Variants in AK1 observed in about 807,000 individuals in gnomAD.
AK1 encodes adenylate kinase isoenzyme 1.
Under a neutral mutation model 23.9 loss-of-function variants are expected in AK1, and 13 were observed. The observed-to-expected ratio is 0.54, with a 90% confidence interval of 0.35 to 0.86. The LOEUF (loss-of-function observed/expected upper bound fraction) is 0.86. Ranked by LOEUF, AK1 falls within the 40% of genes least tolerant of loss-of-function variation. AK1 has a pLI of 0.01. For synonymous variants in AK1, 97 were observed against 102.8 expected, an observed-to-expected ratio of 0.94 and a Z score of 0.34; for missense variants, 214 against 255.1, an observed-to-expected ratio of 0.84 and a Z score of 1.10.
Position 127,867,899 on chromosome 9 carries a change from C to T in AK1, c.*109G>A, listed in dbSNP as rs757506900. On this transcript the variant is annotated 3_prime_UTR_variant, in exon 7 of 7. Coordinates refer to ENST00000644144, the MANE Select transcript of AK1 (RefSeq NM_000476.3). ...TGAAAACAGGATAAGCGGCTTCCTCCGTCTGTGCTCAGCAGGGCAGGGTGG... is the reference window on the plus strand; with the variant it reads ...TGAAAACAGGATAAGCGGCTTCCTCTGTCTGTGCTCAGCAGGGCAGGGTGG... 35 of 1,057,450 alleles carry T rather than the reference C, an allele frequency of 3.3e-5. No individual in the cohort carries two copies. Among genetic ancestry groups the T allele is most frequent in the South Asian group, 6.4e-5 (5 of 78,508 alleles). 65.5% of individuals were successfully genotyped at this position (1,057,450 alleles called of 1,614,324 possible). A position where few individuals can be genotyped will look rare whatever the true frequency, so the allele number is the denominator to read the frequency against.
intron 2 of AK1, chr9:127,873,477 C>T (rs1220225626): frequency 1.4e-6 from 2 of 1,472,286 alleles, no homozygotes; most frequent in East Asian, 2.4e-5. Context: ...CTCCTGTGCA[C>T]CCTGCCCTTC....
chr9:127,874,291 T>C, intron 2 of AK1: 1 of 985,398 alleles, frequency 1.0e-6, no homozygotes, highest in Non-Finnish European at 1.2e-6. Flanking sequence ...GGAATTGCCT[T>C]GTCCTCATTA....
intron 1 of AK1, 174 bp from the exon 2 acceptor site, chr9:127,874,823 T>C (rs1219993032): frequency 1.6e-6 from 1 of 640,678 alleles, no homozygotes; most frequent in African/African-American, 1.8e-5. Flanking sequence ...AAAGCCACCT[T>C]GGGAAAGTGA....
At chr9:127,879,253 G>T (rs1335109810), upstream of AK1, among the ~76,000 whole-genome samples, 1 of 152,166 alleles carries the variant, frequency 6.6e-6, no homozygotes, top group Non-Finnish European at 1.5e-5. Flanking sequence ...TTCCCATAGG[G>T]TCTGAGTGAG....
intron 1 of AK1, chr9:127,875,021 C>G: frequency 3.5e-6 from 1 of 286,760 alleles, no homozygotes; most frequent in Non-Finnish European, 7.0e-6. Context: ...AAACAGGGCG[C>G]AGGGCCAGCG....
chr9:127,878,694 A>T (rs778741037), upstream of AK1, among the ~76,000 whole-genome samples: 2 of 152,168 alleles, frequency 1.3e-5, no homozygotes, highest in Non-Finnish European at 2.9e-5. Context: ...GACCACCTTC[A>T]GTGGTGGTGC....
rs945566735 is a variant in AK1, at chr9:127,871,202, T to C, written c.324+621A>G. 1.3e-5 allele frequency among the ~76,000 whole-genome samples: 2 copies of C among 151,628 alleles called. No individual in the cohort carries two copies. The highest frequency in any genetic ancestry group is 2.4e-5 in the African/African-American group (1 of 40,908). On this transcript the variant is annotated intron_variant, in intron 5 of 6. Coordinates refer to ENST00000644144, the MANE Select transcript of AK1 (RefSeq NM_000476.3). This position sits in a 1 kb window ranked among gnomAD's most constrained non-coding sequence, Gnocchi z 4.4. Reference sequence around the variant, plus strand: ...GGTGCCCCATCCTGGGGAAGGTGTATCTGCAGGATGCTCGTGCTAGGAAGC... The same window carrying C: ...GGTGCCCCATCCTGGGGAAGGTGTACCTGCAGGATGCTCGTGCTAGGAAGC...
In AK1 at chr9:127,868,450, G is replaced by A; in HGVS notation, c.387C>T (p.Leu129=). Residue 129 remains leucine, a synonymous_variant, in exon 6 of 7, where the codon CTC becomes CTT. Coordinates refer to ENST00000644144, the MANE Select transcript of AK1 (RefSeq NM_000476.3). This position sits in a 1 kb window ranked among gnomAD's most constrained non-coding sequence, Gnocchi z 4.1. ...DAGPETMTQR[L]LKRGETSGRV... is the part of the protein sequence containing the mutation. ...GCCCGCTGGTCTCTCCACGTTTCAA[G>A]AGCCGCTGGGTCATGGTCTCAGGGC... 1 of 1,609,606 alleles carries A rather than the reference G, an allele frequency of 6.2e-7. No individual in the cohort carries two copies. The highest frequency in any genetic ancestry group is 8.5e-7 in the Non-Finnish European group (1 of 1,178,038).
chr9:127,876,634 C>G (rs1354306040), intron 1 of AK1, among the ~76,000 whole-genome samples: 2 of 152,174 alleles, frequency 1.3e-5, no homozygotes, highest in African/African-American at 4.8e-5. Flanking sequence ...CACAGTGAAG[C>G]CCTGAGAAGT....
chr9:127,866,728 G>A lies in AK1; in HGVS notation c.*1280C>T, dbSNP rs897414057. The A allele has an allele frequency of 3.9e-5, 6 of 152,286 alleles. No homozygotes were observed. The highest frequency in any genetic ancestry group is 1.4e-4 in the African/African-American group (6 of 41,462). The allele number at this position is 152,286 out of a possible 1,614,324, so 9.4% of individuals were successfully genotyped here. A position where few individuals can be genotyped will look rare whatever the true frequency, so the allele number is the denominator to read the frequency against. On this transcript the variant is annotated 3_prime_UTR_variant, in exon 7 of 7. Transcript: ENST00000644144. ...GTCAAAAAATGAAAGCGCGCAGGAA[G>A]GGTTCTCCCCAGGGGATTCTGGGGT...
In AK1 at chr9:127,872,761, C is replaced by T. The variant is rs536662120; in HGVS notation, c.136G>A (p.Glu46Lys). The T allele has an allele frequency of 5.6e-6, 9 of 1,614,142 alleles. No homozygotes were observed. Among genetic ancestry groups the T allele is most frequent in the African/African-American group, 1.3e-5 (1 of 75,042 alleles). The change falls in exon 4 of 7, where the codon GAG becomes AAG. Residue 46 changes from glutamate (E) to lysine (K), a missense_variant. Coordinates refer to ENST00000644144, the MANE Select transcript of AK1 (RefSeq NM_000476.3). ...HLSTGDLLRS[E>K]VSSGSARGKK... ...CCCCTGGCCGAGCCTGAGCTGACCT[C>T]GGACCGCAGGAGGTCCCCGGTGGAG... is the stretch of plus-strand genomic sequence containing the variant.
intron 4 of AK1, 46 bp downstream of exon 4, chr9:127,872,644 G>A (rs1479216715): frequency 1.2e-5 from 20 of 1,611,716 alleles, no homozygotes; most frequent in Non-Finnish European, 1.7e-5. Context: ...CACCCACTCA[G>A]GGCTACTGTC....
Position 127,872,828 on chromosome 9 carries a change from G to T in AK1, c.69C>A (p.Thr23=), listed in dbSNP as rs765024799. 38 of 1,614,022 alleles carry T rather than the reference G, an allele frequency of 2.4e-5. No individual in the cohort carries two copies. Among genetic ancestry groups the T allele is most frequent in the Non-Finnish European group, 3.0e-5 (35 of 1,180,012 alleles). Residue 23 remains threonine, a synonymous_variant, in exon 4 of 7, where the codon ACC becomes ACA. Transcript: ENST00000644144. ...ACTTCTGCACGATCTTCTCACACTG[G>T]GTGCCCTTCCCTGAGCCAGGCCCAC... ...VVGGPGSGKG[T]QCEKIVQKYG...
rs1446234527 is a variant in AK1 at position 127,877,039 on chromosome 9, C to A, written c.-33+584G>T. Among the ~76,000 whole-genome samples the A allele has an allele frequency of 1.3e-5, 2 of 152,204 alleles. No homozygotes were observed. The highest frequency in any genetic ancestry group is 2.9e-5 in the Non-Finnish European group (2 of 68,026). ...CATCACTCAGCTGTGTGACCTTGGG[C>A]AGTTGGTGTCCCCTCTCTGGGCCTG... On this transcript the variant is annotated intron_variant, in intron 1 of 6. Transcript: ENST00000644144. This position sits in a 1 kb window ranked among gnomAD's most constrained non-coding sequence, Gnocchi z 5.2.
chr9:127,879,280 G>C (rs1427362670), upstream of AK1, among the ~76,000 whole-genome samples: 1 of 152,150 alleles, frequency 6.6e-6, no homozygotes. Context: ...AGTCCAAGTT[G>C]TTTGTGGTTA....
intron 5 of AK1, among the ~76,000 whole-genome samples, chr9:127,870,680 G>A (rs1168516324): frequency 6.6e-6 from 1 of 152,232 alleles, no homozygotes; most frequent in East Asian, 1.9e-4. Context: ...GTGAGGGGCA[G>A]AGTGGGGTAG....
At position 127,877,662 on chromosome 9, in the gene AK1, C is replaced by A. The variant is rs1829573550; in HGVS notation, c.-72G>T. 6.6e-6 allele frequency: 1 copy of A among 152,264 alleles called. No individual in the cohort carries two copies. The highest frequency in any genetic ancestry group is 2.4e-5 in the African/African-American group (1 of 41,464). The allele number at this position is 152,264 out of a possible 1,614,324, so 9.4% of individuals were successfully genotyped here. A position where few individuals can be genotyped will look rare whatever the true frequency, so the allele number is the denominator to read the frequency against. On this transcript the variant is annotated 5_prime_UTR_variant, in exon 1 of 7. Coordinates refer to ENST00000644144, the MANE Select transcript of AK1 (RefSeq NM_000476.3). This position sits in a 1 kb window ranked among gnomAD's most constrained non-coding sequence, Gnocchi z 5.2. ...GGGTGGGCGCCGGGGCCAGTGCGTG[C>A]CCTGCCCGTCCTCGCGGCGGCCGGC...
At chr9:127,879,328 A>G (rs1829598510), upstream of AK1, among the ~76,000 whole-genome samples, 1 of 152,102 alleles carries the variant, frequency 6.6e-6, no homozygotes, top group African/African-American at 2.4e-5. Context: ...AGCATTGGTA[A>G]GAAATAGGCA....
In AK1 at chr9:127,872,547, G is replaced by A. The variant is rs140513676; in HGVS notation, c.207+143C>T. 1,564 of 1,116,594 alleles carry A rather than the reference G, an allele frequency of 1.4e-3. 1 individual carries two copies. The highest frequency in any genetic ancestry group is 1.9e-3 in the Non-Finnish European group (1,430 of 767,716). 69.2% of individuals were successfully genotyped at this position (1,116,594 alleles called of 1,614,324 possible). A position where few individuals can be genotyped will look rare whatever the true frequency, so the allele number is the denominator to read the frequency against. ...CTTCTGGAAGGAACTTTCTGTCCAG[G>A]GCAATGGGGAACCACAGAAGGGTTT... On this transcript the variant is annotated intron_variant, in intron 4 of 6. Coordinates refer to ENST00000644144, the MANE Select transcript of AK1 (RefSeq NM_000476.3).
Sources: gnomAD v4.1 joint callset for allele counts (sites outside exome capture counted in the v4.1 genomes callset) on GRCh38, gnomAD v4.1.1 for gene constraint, Gnocchi (gnomAD v3.1) non-coding constraint, MANE v1.5 for transcripts, NCBI Gene and HGNC (gene_info 2026-07-23, HGNC 2026-07-21) for gene names.